CEP85L: variants seen among roughly 807,000 people sequenced by gnomAD.
The protein encoded by CEP85L is centrosomal protein 85L, also known as centrosomal protein of 85 kDa-like.
In CEP85L, 60 loss-of-function variants were observed where a neutral mutation model predicts 100.3. The observed-to-expected ratio is 0.60, with a 90% confidence interval of 0.49 to 0.74. CEP85L has a LOEUF of 0.74. Among genes scored for constraint, CEP85L ranks in the 30% least tolerant of loss-of-function variants. The pLI is 0.00. For missense variants in CEP85L, 973 were observed against 936.2 expected, an observed-to-expected ratio of 1.04 and a Z score of -0.51; for synonymous variants, 319 against 322.7, an observed-to-expected ratio of 0.99 and a Z score of 0.12.
At chr6:118,548,078 A>AT (rs991574609) in intron 3 of CEP85L, among the ~76,000 whole-genome samples, 3 of 152,072 alleles carry the variant, frequency 2.0e-5, no homozygotes, top group East Asian at 3.9e-4. Context: ...AAGTTTACTT[A>AT]TTTTTTTCAT....
chr6:118,619,499 G>A (rs1488968868), intron 2 of CEP85L, among the ~76,000 whole-genome samples: 1 of 151,962 alleles, frequency 6.6e-6, no homozygotes, highest in Admixed American at 6.6e-5. Context: ...CCATACTCAG[G>A]GCCTCCTTCC....
Position 118,463,983 on chromosome 6 carries a change from G to C in CEP85L, c.*1422C>G, listed in dbSNP as rs1772358289. 1 of 152,024 alleles carries C rather than the reference G, an allele frequency of 6.6e-6. No individual in the cohort carries two copies. Among genetic ancestry groups the C allele is most frequent in the South Asian group, 2.1e-4 (1 of 4,820 alleles). 9.4% of individuals were successfully genotyped at this position (152,024 alleles called of 1,614,324 possible). The stretch of plus-strand genomic sequence containing the variant: ...TGCCCTTTATCTGGCAAGAAAACAG[G>C]CATGTGATATGCTCTTTATCAAATC... On this transcript the variant is annotated 3_prime_UTR_variant, in exon 13 of 13. Coordinates refer to ENST00000368491, the MANE Select transcript of CEP85L (RefSeq NM_001042475.3).
rs1426732615 is a variant in CEP85L at position 118,686,346 on chromosome 6, A to G, written c.-28+23690T>C. Among the ~76,000 whole-genome samples the G allele has an allele frequency of 2.0e-5, 3 of 152,202 alleles. No homozygotes were observed. The East Asian group carries it at 5.8e-4, about 29-fold the overall frequency. Reference sequence around the variant, plus strand: ...TTTAGAACATTTCTCTCACTCCAGTAAAATCTCTCCTGCTTCATTACACTT... The same window carrying G: ...TTTAGAACATTTCTCTCACTCCAGTGAAATCTCTCCTGCTTCATTACACTT... On this transcript the variant is annotated intron_variant, in intron 1 of 13. Coordinates refer to the CEP85L transcript ENST00000368488.
At chr6:118,508,106 C>T (rs922712768) in intron 5 of CEP85L, among the ~76,000 whole-genome samples, 1 of 152,110 alleles carries the variant, frequency 6.6e-6, no homozygotes, top group African/African-American at 2.4e-5. Flanking sequence ...CCATTCTTTG[C>T]TTTTGTGTTC....
At chr6:118,488,333 C>T (rs1365189621) in intron 6 of CEP85L, among the ~76,000 whole-genome samples, 1 of 151,724 alleles carries the variant, frequency 6.6e-6, no homozygotes, top group South Asian at 2.1e-4. Flanking sequence ...AAAATTTCAA[C>T]AGAGATAGGA....
chr6:118,500,863 T>C (rs1775254105), intron 5 of CEP85L, among the ~76,000 whole-genome samples: 2 of 152,192 alleles, frequency 1.3e-5, no homozygotes, highest in Admixed American at 6.5e-5. Context: ...TTCTTCTTGT[T>C]TGGATAAACA....
At chr6:118,709,584 C>T (rs950127636) in intron 1 of CEP85L, among the ~76,000 whole-genome samples, 2 of 79,620 alleles carry the variant, frequency 2.5e-5, no homozygotes, top group Non-Finnish European at 5.6e-5. Context: ...AGAGAGAGAG[C>T]GCTCCCAGTT....
chr6:118,478,664 T>C (rs920810107), intron 10 of CEP85L, among the ~76,000 whole-genome samples: 8 of 152,264 alleles, frequency 5.3e-5, no homozygotes, highest in Middle Eastern at 3.4e-3. Context: ...CTCTACATAG[T>C]TTGAATAAAA....
intron 1 of CEP85L, among the ~76,000 whole-genome samples, chr6:118,698,850 G>T (rs565171569): frequency 6.6e-6 from 1 of 151,426 alleles, no homozygotes; most frequent in African/African-American, 2.5e-5. Flanking sequence ...AATATTTTTT[G>T]ATTTACTATT....
intron 5 of CEP85L, among the ~76,000 whole-genome samples, chr6:118,510,691 T>C (rs1775916045): frequency 6.6e-6 from 1 of 152,142 alleles, no homozygotes; most frequent in African/African-American, 2.4e-5. Context: ...ACTCAATACC[T>C]AGAAATTTCA....
At chr6:118,648,108 G>T (rs763262819) in intron 1 of CEP85L, among the ~76,000 whole-genome samples, 2 of 152,128 alleles carry the variant, frequency 1.3e-5, no homozygotes, top group Admixed American at 6.5e-5. Context: ...ACAAAAATTA[G>T]CTGGGTGTGG....
At chr6:118,595,199 G>C (rs1040231217) in intron 2 of CEP85L, among the ~76,000 whole-genome samples, 3 of 152,146 alleles carry the variant, frequency 2.0e-5, no homozygotes, top group Non-Finnish European at 4.4e-5. Flanking sequence ...TCTCAGCAAA[G>C]AAATCCTAGG....
chr6:118,556,716 C>G (rs1216252050), intron 3 of CEP85L, among the ~76,000 whole-genome samples: 2 of 152,086 alleles, frequency 1.3e-5, no homozygotes, highest in Non-Finnish European at 2.9e-5. Flanking sequence ...AATAATATAT[C>G]AACAAATGTT....
chr6:118,558,658 CACAGAGAGAGAGAGAG>C (rs1779037081), intron 3 of CEP85L, among the ~76,000 whole-genome samples: 1 of 124,910 alleles, frequency 8.0e-6, no homozygotes, highest in African/African-American at 3.4e-5. Context: ...CACACACACA[CACAGAGAGAGAGAGAG>C]AGAGAGAGAG....
At chr6:118,609,170 CTAAA>C (rs1003836478) in intron 2 of CEP85L, among the ~76,000 whole-genome samples, 3 of 152,058 alleles carry the variant, frequency 2.0e-5, no homozygotes, top group Non-Finnish European at 4.4e-5. Context: ...GTGTATGTGA[CTAAA>C]TGAACAGCAA....
chr6:118,544,068 T>A (rs1778059728), intron 3 of CEP85L, among the ~76,000 whole-genome samples: 1 of 152,174 alleles, frequency 6.6e-6, no homozygotes, highest in East Asian at 1.9e-4. Flanking sequence ...TCAGTGATAG[T>A]GCCACCACAA....
At chr6:118,644,327 A>G (rs1775055142) in intron 1 of CEP85L, among the ~76,000 whole-genome samples, 1 of 151,792 alleles carries the variant, frequency 6.6e-6, no homozygotes, top group South Asian at 2.1e-4. Flanking sequence ...CTCTGCCTGA[A>G]GAGAAAATGT....
At chr6:118,470,715 T>C (rs914713614) in intron 10 of CEP85L, 71 bp from the exon 11 acceptor site, 2 of 814,130 alleles carry the variant, frequency 2.5e-6, no homozygotes, top group Admixed American at 2.6e-5. Flanking sequence ...CAGAAAGAAG[T>C]AGGAATGTTG....
chr6:118,679,521 GA>G (rs1250684466), intron 1 of CEP85L, among the ~76,000 whole-genome samples: 1 of 152,214 alleles, frequency 6.6e-6, no homozygotes, highest in Non-Finnish European at 1.5e-5. Flanking sequence ...TTGAAGAGCA[GA>G]ATGATGATAT....
Sources: allele counts gnomAD v4.1 joint callset (sites outside exome capture counted in the v4.1 genomes callset), GRCh38; gene constraint gnomAD v4.1.1; transcripts MANE v1.5; gene names NCBI Gene and HGNC (gene_info 2026-07-23, HGNC 2026-07-21).